HRH1: variants seen among roughly 807,000 people sequenced by gnomAD.
HRH1 encodes the protein histamine H1 receptor.
In HRH1, 6 loss-of-function variants were observed where a neutral mutation model predicts 10.3. That is an observed-to-expected ratio of 0.58 (90% confidence interval 0.32 to 1.15). The LOEUF is 1.15. HRH1 is among the 50% of genes most tolerant of loss of function. The pLI is 0.05. For synonymous variants in HRH1, 242 were observed against 236.7 expected, an observed-to-expected ratio of 1.02 and a Z score of -0.21; for missense variants, 514 against 615.3, an observed-to-expected ratio of 0.84 and a Z score of 1.74.
intron 1 of HRH1, among the ~76,000 whole-genome samples, chr3:11,181,678 C>A (rs2125017254): frequency 7.3e-6 from 1 of 137,318 alleles, no homozygotes; most frequent in Non-Finnish European, 1.5e-5. Flanking sequence ...GTCGCCCAGG[C>A]TGGAGCGCAG....
intron 1 of HRH1, among the ~76,000 whole-genome samples, chr3:11,219,119 G>C (rs1414792194): frequency 6.6e-6 from 1 of 151,990 alleles, no homozygotes; most frequent in Admixed American, 6.6e-5. Flanking sequence ...TTGAACTCCT[G>C]ACCTCGTGAT....
intron 1 of HRH1, among the ~76,000 whole-genome samples, chr3:11,217,110 C>G (rs771329552): frequency 1.1e-4 from 16 of 151,654 alleles, no homozygotes; most frequent in Admixed American, 6.6e-5. Flanking sequence ...TGCTTGAACC[C>G]AGGAGGCGGA....
At position 11,246,425 on chromosome 3, in the gene HRH1, G is replaced by A. The variant is rs1939491471; in HGVS notation, c.-35-12578G>A. ...CTCCTGAGTGGCGTGTAGTGACATGGGATCCATGTCCCCAAATATCTCCCA... is the reference window on the plus strand; with the variant it reads ...CTCCTGAGTGGCGTGTAGTGACATGAGATCCATGTCCCCAAATATCTCCCA... On this transcript the variant is annotated intron_variant, in intron 1 of 1. Coordinates refer to ENST00000431010, the MANE Select transcript of HRH1 (RefSeq NM_001098212.2). Among the ~76,000 whole-genome samples, 3 of 152,146 alleles carry A rather than the reference G, an allele frequency of 2.0e-5. No individual in the cohort carries two copies. The South Asian group carries it at 6.2e-4, about 32-fold the overall frequency.
In HRH1 at chr3:11,217,304, C is replaced by T. The variant is rs1248996142; in HGVS notation, c.-35-41699C>T. ...CAGCCCTTTGGAGGGCTGAGGCAGG[C>T]GGATCACCTGAGGTCAGGAGTTCAA... On this transcript the variant is annotated intron_variant, in intron 1 of 1. Transcript: ENST00000431010. Among the ~76,000 whole-genome samples the T allele has an allele frequency of 4.6e-5, 7 of 151,590 alleles. No homozygotes were observed. In the East Asian group the frequency reaches 5.8e-4, roughly 13 times the overall value.
At chr3:11,180,464 A>G (rs906880722) in intron 1 of HRH1, among the ~76,000 whole-genome samples, 5 of 152,178 alleles carry the variant, frequency 3.3e-5, no homozygotes, top group Admixed American at 6.5e-5. Flanking sequence ...TGGGAATCTA[A>G]TGCCACTGCT....
chr3:11,143,500 C>T (rs1027944858), intron 1 of HRH1, among the ~76,000 whole-genome samples: 13 of 152,216 alleles, frequency 8.5e-5, no homozygotes, highest in African/African-American at 2.7e-4. Context: ...ACCCTGGAAG[C>T]GATTCCTTAA....
At chr3:11,146,731 A>G (rs1204442475) in intron 1 of HRH1, among the ~76,000 whole-genome samples, 1 of 152,172 alleles carries the variant, frequency 6.6e-6, no homozygotes, top group Non-Finnish European at 1.5e-5. Flanking sequence ...CTAGGCGGAC[A>G]CTCTAGAGGA....
In HRH1 at chr3:11,260,069, C is replaced by T. The variant is rs776180904; in HGVS notation, c.1032C>T (p.Ser344=). 40 of 1,613,914 alleles carry T rather than the reference C, an allele frequency of 2.5e-5. No individual in the cohort carries two copies. Among genetic ancestry groups the T allele is most frequent in the South Asian group, 3.3e-5 (3 of 91,074 alleles). ...DEQGLNTHGA[S]EISEDQMLGD... Reference sequence around the variant, plus strand: ...AGGGCCTGAACACACATGGGGCCAGCGAGATATCAGAGGATCAGATGTTAG... The same window carrying T: ...AGGGCCTGAACACACATGGGGCCAGTGAGATATCAGAGGATCAGATGTTAG... Residue 344 remains serine (S), a synonymous_variant, in exon 2 of 2, where the codon AGC becomes AGT. Coordinates refer to ENST00000431010, the MANE Select transcript of HRH1 (RefSeq NM_001098212.2).
At chr3:11,142,907 C>G (rs1236756290) in intron 1 of HRH1, among the ~76,000 whole-genome samples, 1 of 151,342 alleles carries the variant, frequency 6.6e-6, no homozygotes, top group Non-Finnish European at 1.5e-5. Context: ...GAGCAAGACT[C>G]TGTTTTGGAA....
At chr3:11,194,635 G>A (rs1007175053) in intron 1 of HRH1, among the ~76,000 whole-genome samples, 7 of 152,162 alleles carry the variant, frequency 4.6e-5, no homozygotes, top group African/African-American at 1.2e-4. Context: ...CCAACATGGC[G>A]AAACCCCGTC....
intron 1 of HRH1, among the ~76,000 whole-genome samples, chr3:11,137,729 C>T (rs1038423794): frequency 4.6e-5 from 7 of 152,032 alleles, no homozygotes; most frequent in African/African-American, 1.7e-4. Context: ...GAACAGCGAC[C>T]GGAACGGACC....
At chr3:11,181,425 AG>A (rs1478912164) in intron 1 of HRH1, among the ~76,000 whole-genome samples, 1 of 152,188 alleles carries the variant, frequency 6.6e-6, no homozygotes, top group East Asian at 1.9e-4. Context: ...CCCACCAGCA[AG>A]GTGTGAAGAT....
chr3:11,181,927 G>T (rs1319482565), intron 1 of HRH1, among the ~76,000 whole-genome samples: 5 of 151,808 alleles, frequency 3.3e-5, no homozygotes, highest in Non-Finnish European at 5.9e-5. Context: ...CACCACGCCT[G>T]GCCCCCTTGC....
chr3:11,216,275 T>A (rs1938489984), intron 1 of HRH1, among the ~76,000 whole-genome samples: 1 of 152,140 alleles, frequency 6.6e-6, no homozygotes. Context: ...TCTCAGTATA[T>A]ACCCGAAAGA....
At chr3:11,257,925 C>T (rs1362228170) in intron 1 of HRH1, among the ~76,000 whole-genome samples, 2 of 152,196 alleles carry the variant, frequency 1.3e-5, no homozygotes, top group East Asian at 3.9e-4. Context: ...AATCCTCCCA[C>T]CTCAGACTCC....
At chr3:11,191,615 A>G (rs1435377458) in intron 1 of HRH1, among the ~76,000 whole-genome samples, 2 of 152,212 alleles carry the variant, frequency 1.3e-5, no homozygotes, top group African/African-American at 2.4e-5. Flanking sequence ...CGGGAAAGAT[A>G]GTCAGTGCCA....
intron 1 of HRH1, among the ~76,000 whole-genome samples, chr3:11,250,457 C>A (rs1157925833): frequency 6.6e-6 from 1 of 151,984 alleles, no homozygotes; most frequent in Non-Finnish European, 1.5e-5. Context: ...GGACTGCTGT[C>A]TCAGTTGTGA....
At chr3:11,255,062 G>A (rs76882817) in intron 1 of HRH1, among the ~76,000 whole-genome samples, 2 of 152,198 alleles carry the variant, frequency 1.3e-5, no homozygotes, top group East Asian at 3.9e-4. Flanking sequence ...GCGAAGGCAG[G>A]AAGGCTGTTT....
chr3:11,206,111 C>T (rs1335803495), intron 1 of HRH1, among the ~76,000 whole-genome samples: 1 of 152,042 alleles, frequency 6.6e-6, no homozygotes, highest in Non-Finnish European at 1.5e-5. Flanking sequence ...TGGCTGTTTT[C>T]ACATCTTTGT....
Sources: gnomAD v4.1 joint callset for allele counts (sites outside exome capture counted in the v4.1 genomes callset) on GRCh38, gnomAD v4.1.1 for gene constraint, MANE v1.5 for transcripts, NCBI Gene and HGNC (gene_info 2026-07-23, HGNC 2026-07-21) for gene names.